Variants in CACNA1C observed in about 807,000 individuals in gnomAD.
The protein encoded by CACNA1C is voltage-dependent L-type calcium channel subunit alpha-1C.
A neutral mutation model predicts 229.0 loss-of-function variants in CACNA1C; 30 were observed. The observed-to-expected ratio is 0.13, with a 90% CI of 0.10 to 0.18. The LOEUF (loss-of-function observed/expected upper bound fraction) is 0.18. Ranked by LOEUF, CACNA1C falls within the 10% of genes least tolerant of loss-of-function variation. The pLI, the probability that CACNA1C is intolerant of heterozygous loss-of-function variation, is 1.00. For synonymous variants in CACNA1C, 1,114 were observed against 1,132.5 expected (o/e 0.98, Z 0.33); for missense variants, 1,658 against 2,845.0 (o/e 0.58, Z 9.49).
chr12:2,690,945 T>G lies in CACNA1C; in HGVS notation c.6163T>G (p.Phe2055Val). 1 of 1,596,066 alleles carries G rather than the reference T, an allele frequency of 6.3e-7. No homozygotes were observed. The highest frequency in any genetic ancestry group is 8.5e-7 in the Non-Finnish European group (1 of 1,170,476). ...GLGQFAQDPKFIEVTTQELAD... is the reference protein window; with the variant it reads ...GLGQFAQDPKVIEVTTQELAD... Reference sequence around the variant, plus strand: ...GGGGCAGTTTGCTCAAGATCCCAAGTTCATCGAGGTCACCACCCAGGAGCT... The same window carrying G: ...GGGGCAGTTTGCTCAAGATCCCAAGGTCATCGAGGTCACCACCCAGGAGCT... The change falls in exon 47 of 47, where the codon TTC becomes GTC. Residue 2055 changes from phenylalanine to valine, a missense_variant. Transcript: ENST00000399655.
intron 3 of CACNA1C, among the ~76,000 whole-genome samples, chr12:2,209,384 G>T (rs937988346): frequency 6.6e-6 from 1 of 152,140 alleles, no homozygotes; most frequent in African/African-American, 2.4e-5. Context: ...AACTCACGGG[G>T]AGGAGTCATA....
At chr12:2,162,854 C>T (rs2095964917) in intron 3 of CACNA1C, among the ~76,000 whole-genome samples, 1 of 152,140 alleles carries the variant, frequency 6.6e-6, no homozygotes, top group African/African-American at 2.4e-5. Flanking sequence ...TGAACCACTC[C>T]ATTGAGAACC....
At position 2,502,646 on chromosome 12, in the gene CACNA1C, G is replaced by A. The variant is rs572819444; in HGVS notation, c.1114-2196G>A. Among the ~76,000 whole-genome samples, 236 of 152,246 alleles carry A rather than the reference G, an allele frequency of 1.6e-3. 1 individual carries two copies. The highest frequency in any genetic ancestry group is 5.3e-3 in the African/African-American group (220 of 41,548). ...TTAGTAATATCAGATACATCTCAATGGATCTGTAAAGAACATATTGGGATG... is the reference window on the plus strand; with the variant it reads ...TTAGTAATATCAGATACATCTCAATAGATCTGTAAAGAACATATTGGGATG... On this transcript the variant is annotated intron_variant, in intron 7 of 46. Coordinates refer to ENST00000399655, the MANE Select transcript of CACNA1C (RefSeq NM_000719.7).
Position 2,677,192 on chromosome 12 carries a change from C to T in CACNA1C, c.4927C>T (p.Pro1643Ser), listed in dbSNP as rs786205764. 28 of 1,613,570 alleles carry T rather than the reference C, an allele frequency of 1.7e-5. No individual in the cohort carries two copies. The highest frequency in any genetic ancestry group is 2.4e-5 in the Non-Finnish European group (28 of 1,179,780). ...CAAAGAGCAGGGCCTTGTGGGCAAG[C>T]CCTCCCAGAGGAACGCGCTGTCTCT... ...KRKEQGLVGK[P>S]SQRNALSLQA... The change falls in exon 40 of 47, where the codon CCC (proline) becomes TCC (serine). Residue 1643 changes from proline (P) to serine (S), a missense_variant. By Grantham distance (74) the Pro-to-Ser change is moderately conservative (BLOSUM62 -1). This residue lies in a region of CACNA1C where 590 missense variants were observed against 700.8 expected (regional missense o/e 0.84). Transcript: ENST00000399655. This position sits in a 1 kb window ranked among gnomAD's most constrained non-coding sequence, Gnocchi z 7.4.
At chr12:2,477,915 G>A (rs1443985626) in intron 5 of CACNA1C, among the ~76,000 whole-genome samples, 7 of 151,904 alleles carry the variant, frequency 4.6e-5, no homozygotes, top group East Asian at 3.9e-4. Flanking sequence ...GGACAACCTC[G>A]TAGAAATATC....
intron 3 of CACNA1C, among the ~76,000 whole-genome samples, chr12:2,211,664 T>C (rs373720786): frequency 1.3e-5 from 2 of 151,844 alleles, no homozygotes; most frequent in African/African-American, 4.8e-5. Context: ...TGCCCTCAAA[T>C]TCCCAGTCAT....
At chr12:2,342,044 A>T (rs1378103363) in intron 3 of CACNA1C, among the ~76,000 whole-genome samples, 1 of 152,212 alleles carries the variant, frequency 6.6e-6, no homozygotes, top group African/African-American at 2.4e-5. Flanking sequence ...GGGCCCAGTC[A>T]TTTGTTAGGA....
At position 2,666,312 on chromosome 12, in the gene CACNA1C, T is replaced by TC. The variant is rs35160599; in HGVS notation, c.4527-372dup. 0.085 allele frequency among the ~76,000 whole-genome samples: 13,002 copies of TC among 152,214 alleles called. 676 individuals are homozygous for TC. The highest frequency in any genetic ancestry group is 0.15 in the Admixed American group (2,323 of 15,292). ...AGGTAGGGCCGGGGAAAATCTTGAT[T>TC]CCATTCCCGCTTCTGGTCTAAAGAT... is the stretch of plus-strand genomic sequence containing the variant. On this transcript the variant is annotated intron_variant, in intron 36 of 46. Transcript: ENST00000399655. This position sits in a 1 kb window ranked among gnomAD's most constrained non-coding sequence, Gnocchi z 5.3.
At chr12:2,367,189 T>C (rs1204412331) in intron 3 of CACNA1C, among the ~76,000 whole-genome samples, 1 of 152,202 alleles carries the variant, frequency 6.6e-6, no homozygotes, top group Non-Finnish European at 1.5e-5. Context: ...CATTAGATTC[T>C]CATAAAGAGC....
intron 8 of CACNA1C, among the ~76,000 whole-genome samples, chr12:2,508,008 A>G (rs1358526882): frequency 6.6e-6 from 1 of 152,260 alleles, no homozygotes; most frequent in Non-Finnish European, 1.5e-5. Flanking sequence ...AACAGCCAGC[A>G]GGCACACAGA....
At position 2,275,531 on chromosome 12, in the gene CACNA1C, C is replaced by T. The variant is rs181805555; in HGVS notation, c.477+155101C>T. On this transcript the variant is annotated intron_variant, in intron 3 of 46. Coordinates refer to ENST00000399655, the MANE Select transcript of CACNA1C (RefSeq NM_000719.7). The surrounding 1 kb of genome is among the most constrained non-coding windows in gnomAD (Gnocchi z 4.1). ...CCACTGTCCCCCAGCTCGCAACCCC[C>T]ACGCAGCCCCACCCTTGACCTGCCA... Among the ~76,000 whole-genome samples, 1 of 152,248 alleles carries T rather than the reference C, an allele frequency of 6.6e-6. No homozygotes were observed. Among genetic ancestry groups the T allele is most frequent in the African/African-American group, 2.4e-5 (1 of 41,554 alleles).
chr12:2,354,388 A>G lies in CACNA1C; in HGVS notation c.478-94588A>G, dbSNP rs1289202340. Among the ~76,000 whole-genome samples, 1 of 152,118 alleles carries G rather than the reference A, an allele frequency of 6.6e-6. No individual in the cohort carries two copies. Among genetic ancestry groups the G allele is most frequent in the East Asian group, 1.9e-4 (1 of 5,168 alleles). ...ACCTGCTTGGAGTGGTGATAAGCCA[A>G]ATCTTTCTTTAGAGGAGCGAAAACA... On this transcript the variant is annotated intron_variant, in intron 3 of 46. Coordinates refer to ENST00000399655, the MANE Select transcript of CACNA1C (RefSeq NM_000719.7). This position sits in a 1 kb window ranked among gnomAD's most constrained non-coding sequence, Gnocchi z 4.6.
intron 3 of CACNA1C, among the ~76,000 whole-genome samples, chr12:2,200,312 A>G (rs1161361778): frequency 6.6e-6 from 1 of 152,202 alleles, no homozygotes; most frequent in Non-Finnish European, 1.5e-5. Context: ...AGGAGTGTTT[A>G]CCAAGTGTCA....
At chr12:2,025,735 A>C (rs727527) in intron 1 of CACNA1C, among the ~76,000 whole-genome samples, 1 of 151,902 alleles carries the variant, frequency 6.6e-6, no homozygotes, top group Admixed American at 6.6e-5. Context: ...ATTCTCCCCA[A>C]ATTTCTTTCA....
chr12:1,996,628 A>C (rs1393546174), intron 1 of CACNA1C, among the ~76,000 whole-genome samples: 9 of 65,324 alleles, frequency 1.4e-4, no homozygotes, highest in African/African-American at 6.1e-4. Context: ...AAAAAAAAAA[A>C]AAAAAAAAAA....
intron 42 of CACNA1C, chr12:2,680,455 G>A: frequency 6.4e-7 from 1 of 1,562,962 alleles, no homozygotes; most frequent in Non-Finnish European, 8.7e-7. Context: ...CAGCTCCAGG[G>A]TTCCCTGGCG....
intron 3 of CACNA1C, among the ~76,000 whole-genome samples, chr12:2,166,613 T>A (rs1367696066): frequency 2.6e-5 from 4 of 152,230 alleles, no homozygotes; most frequent in African/African-American, 9.6e-5. Context: ...TGTTTTGTCA[T>A]ATGTAAAATG....
intron 3 of CACNA1C, among the ~76,000 whole-genome samples, chr12:2,136,240 A>G (rs2093469926): frequency 6.6e-6 from 1 of 151,418 alleles, no homozygotes; most frequent in African/African-American, 2.4e-5. Flanking sequence ...ATGGAAATGC[A>G]GAAATCACCC....
intron 3 of CACNA1C, among the ~76,000 whole-genome samples, chr12:2,237,439 A>C (rs965019133): frequency 6.6e-6 from 1 of 152,236 alleles, no homozygotes; most frequent in Admixed American, 6.5e-5. Context: ...ACCCAATGGA[A>C]TATAAATGCT....
Sources: gnomAD v4.1 joint callset for allele counts (sites outside exome capture counted in the v4.1 genomes callset) on GRCh38, gnomAD v4.1.1 for gene constraint, gnomAD v4.1.1 regional missense constraint, Gnocchi (gnomAD v3.1) non-coding constraint, MANE v1.5 for transcripts, NCBI Gene and HGNC (gene_info 2026-07-23, HGNC 2026-07-21) for gene names.